The following ACSM2A variants were observed in gnomAD, a reference collection of about 807,000 sequenced individuals.
ACSM2A encodes the protein acyl-coenzyme A synthetase ACSM2A, mitochondrial.
In ACSM2A, 72 loss-of-function variants were observed where a neutral mutation model predicts 76.6. The ratio of observed to expected loss-of-function variants is 0.94; its 90% CI spans 0.78 to 1.14. ACSM2A has a LOEUF of 1.14. Among genes scored for constraint, ACSM2A ranks in the 50% most tolerant of loss-of-function variants. ACSM2A has a pLI of 0.00. For synonymous variants in ACSM2A, 249 were observed against 255.9 expected, an observed-to-expected ratio of 0.97 and a Z score of 0.26; for missense variants, 684 against 708.5, an observed-to-expected ratio of 0.97 and a Z score of 0.39.
intron 6 of ACSM2A, chr16:20,474,158 A>C (rs1700801): frequency 0.35 from 134,772 of 381,162 alleles, 27,776 homozygotes; most frequent in East Asian, 0.78. Context: ...TTCTCAGGAC[A>C]TCCTGAGGGC....
chr16:20,465,621 C>T lies in ACSM2A; in HGVS notation c.282C>T (p.Ala94=). ...TGAGTGAAAACAGCCAGCAGGCAGCCAACGTCCTCTCGGGAGCCTGTGGCC... is the reference window on the plus strand; with the variant it reads ...TGAGTGAAAACAGCCAGCAGGCAGCTAACGTCCTCTCGGGAGCCTGTGGCC... ...RELSENSQQA[A]NVLSGACGLQ... Residue 94 remains alanine (A), a synonymous_variant, in exon 3 of 14, where the codon GCC becomes GCT. Coordinates refer to ENST00000573854, the MANE Select transcript of ACSM2A (RefSeq NM_001308172.2). 6.2e-7 allele frequency: 1 copy of T among 1,613,992 alleles called. No individual in the cohort carries two copies. The highest frequency in any genetic ancestry group is 8.5e-7 in the Non-Finnish European group (1 of 1,179,870).
At chr16:20,482,261 C>G (rs183291201) in intron 12 of ACSM2A, 2 of 151,896 alleles carry the variant, frequency 1.3e-5, no homozygotes, top group Non-Finnish European at 2.9e-5. Flanking sequence ...GGATTCTATC[C>G]TGCTGTTTGG....
rs1047978015 is a variant in ACSM2A at position 20,487,270 on chromosome 16, A to G, written c.*592A>G. 1 of 152,334 alleles carries G rather than the reference A, an allele frequency of 6.6e-6. No homozygotes were observed. Among genetic ancestry groups the G allele is most frequent in the African/African-American group, 2.4e-5 (1 of 41,460 alleles). The allele number at this position is 152,334 out of a possible 1,614,324, so 9.4% of individuals were successfully genotyped here. A position where few individuals can be genotyped will look rare whatever the true frequency, so the allele number is the denominator to read the frequency against. On this transcript the variant is annotated 3_prime_UTR_variant, in exon 14 of 14. Transcript: ENST00000573854. ...GAGAAGGAAGTAAAGAGGAAAACTT[A>G]TAAATATTCCCACAGATAGACAAAG...
intron 12 of ACSM2A, chr16:20,482,134 C>CAAAAAAAAAAAAAAAAAAAAA (rs768615976): frequency 4.0e-5 from 2 of 49,722 alleles, no homozygotes; most frequent in African/African-American, 5.9e-5. Context: ...GACTCTGTCT[C>CAAAAAAAAAAAAAAAAAAAAA]AAAAAAAAAA....
intron 4 of ACSM2A, 158 bp from the exon 5 acceptor site, chr16:20,470,915 T>G (rs568917082): frequency 8.5e-7 from 1 of 1,179,542 alleles, no homozygotes; most frequent in Non-Finnish European, 1.2e-6. Context: ...TCTGATTGAC[T>G]CAGACTCCCA....
chr16:20,480,444 T>C lies in ACSM2A; in HGVS notation c.1282-129T>C. The C allele has an allele frequency of 2.0e-6, 3 of 1,475,322 alleles. No homozygotes were observed. The Admixed American group carries it at 6.9e-5, about 34-fold the overall frequency. The allele number at this position is 1,475,322 out of a possible 1,614,324, so 91.4% of individuals were successfully genotyped here. On this transcript the variant is annotated intron_variant, in intron 10 of 13. Coordinates refer to ENST00000573854, the MANE Select transcript of ACSM2A (RefSeq NM_001308172.2). ...AGGGTTGGCTGGTTCAGGGCATGTC[T>C]GCCATGTTCAGGTTATACACTGCAC... is the stretch of plus-strand genomic sequence containing the variant.
At chr16:20,480,753 G>C (rs2014035717) in intron 11 of ACSM2A, 53 bp downstream of exon 11, 1 of 1,612,260 alleles carries the variant, frequency 6.2e-7, no homozygotes. Flanking sequence ...ACTCTGGCTG[G>C]TTCCAGACTT....
At chr16:20,477,559 A>C in intron 9 of ACSM2A, 110 bp downstream of exon 9, 1 of 1,451,040 alleles carries the variant, frequency 6.9e-7, no homozygotes, top group Middle Eastern at 1.9e-4. Flanking sequence ...ACTGATATTA[A>C]GATAACATAA....
At chr16:20,463,447 TGACTTA>T (rs1466409801) in intron 2 of ACSM2A, among the ~76,000 whole-genome samples, 1 of 151,616 alleles carries the variant, frequency 6.6e-6, no homozygotes, top group Non-Finnish European at 1.5e-5. Context: ...CCCACACGAA[TGACTTA>T]GCACCATCCC....
At chr16:20,475,323 A>G (rs893584752) in intron 6 of ACSM2A, 39 bp from the exon 7 acceptor site, 4 of 1,613,348 alleles carry the variant, frequency 2.5e-6, no homozygotes, top group Non-Finnish European at 3.4e-6. Context: ...TTGGCATTTG[A>G]CCTGGTGACC....
At chr16:20,474,661 G>C (rs1490262120) in intron 6 of ACSM2A, among the ~76,000 whole-genome samples, 1 of 152,198 alleles carries the variant, frequency 6.6e-6, no homozygotes, top group Non-Finnish European at 1.5e-5. Flanking sequence ...TATACGACAG[G>C]AATACATGCT....
chr16:20,483,395 C>T (rs1478326629), intron 13 of ACSM2A, among the ~76,000 whole-genome samples: 1 of 150,954 alleles, frequency 6.6e-6, no homozygotes, highest in Non-Finnish European at 1.5e-5. Flanking sequence ...CATGGTGAAA[C>T]CCCATCTCTA....
Position 20,460,284 on chromosome 16 carries a change from T to C in ACSM2A, c.170T>C (p.Met57Thr). 1.9e-6 allele frequency: 3 copies of C among 1,613,614 alleles called. No homozygotes were observed. Among genetic ancestry groups the C allele is most frequent in the South Asian group, 1.1e-5 (1 of 91,058 alleles). ...GATGTGTTGGATCACTGGGCTGACA[T>C]GGAGAAGGTAATGGGGTGGAAAAGA... is the stretch of plus-strand genomic sequence containing the variant. ...ASDVLDHWAD[M>T]EKAGKRLPSP... is the part of the protein sequence containing the mutation. Residue 57 changes from methionine (M) to threonine (T), a missense_variant, in exon 2 of 14, where the codon ATG (methionine) becomes ACG (threonine). Coordinates refer to ENST00000573854, the MANE Select transcript of ACSM2A (RefSeq NM_001308172.2).
intron 8 of ACSM2A, 96 bp from the exon 9 acceptor site, chr16:20,477,273 G>T: frequency 6.6e-7 from 1 of 1,511,322 alleles, no homozygotes; most frequent in Non-Finnish European, 8.9e-7. Flanking sequence ...GCCAAGTTCA[G>T]GACAGTGTCA....
chr16:20,478,510 C>G (rs1284433623), intron 9 of ACSM2A, 66 bp from the exon 10 acceptor site: 2 of 1,561,800 alleles, frequency 1.3e-6, no homozygotes, highest in African/African-American at 2.7e-5. Context: ...ATTCAGCAAT[C>G]TCATGATGCC....
intron 2 of ACSM2A, 40 bp from the exon 3 acceptor site, chr16:20,465,477 T>G (rs1567361628): frequency 2.5e-6 from 4 of 1,607,210 alleles, no homozygotes; most frequent in Non-Finnish European, 3.4e-6. Context: ...CCTGCTTGTG[T>G]ACCAATGCCC....
intron 3 of ACSM2A, among the ~76,000 whole-genome samples, chr16:20,468,730 G>A (rs1419592172): frequency 6.6e-6 from 1 of 152,100 alleles, no homozygotes; most frequent in Non-Finnish European, 1.5e-5. Flanking sequence ...ACAAGAACAA[G>A]AATTTAGGAA....
chr16:20,458,646 A>C (rs1330324682), intron 1 of ACSM2A, among the ~76,000 whole-genome samples: 1 of 140,316 alleles, frequency 7.1e-6, no homozygotes, highest in East Asian at 2.1e-4. Context: ...GCCTTTCTTC[A>C]TTCCAAGCTC....
chr16:20,455,937 A>C (rs1216098191), intron 1 of ACSM2A, among the ~76,000 whole-genome samples: 1 of 151,250 alleles, frequency 6.6e-6, no homozygotes, highest in African/African-American at 2.4e-5. Flanking sequence ...CATAAACTTA[A>C]GGTAAGGGGG....
Sources: gnomAD v4.1 joint callset for allele counts (sites outside exome capture counted in the v4.1 genomes callset) on GRCh38, gnomAD v4.1.1 for gene constraint, MANE v1.5 for transcripts, NCBI Gene and HGNC (gene_info 2026-07-23, HGNC 2026-07-21) for gene names.